The following MYT1L variants were observed in gnomAD, a reference collection of about 807,000 sequenced individuals.
The protein encoded by MYT1L is myelin transcription factor 1-like protein.
Under a neutral mutation model 126.7 loss-of-function variants are expected in MYT1L, and 12 were observed. The ratio of observed to expected loss-of-function variants is 0.09; its 90% confidence interval spans 0.06 to 0.15. The LOEUF is 0.15. Among genes scored for constraint, MYT1L ranks in the 10% least tolerant of loss-of-function variants. The probability of loss-of-function intolerance (pLI) is 1.00; values close to 1 mark genes in which losing one functional copy is unlikely to be tolerated. For synonymous variants in MYT1L, 541 were observed against 604.2 expected, an observed-to-expected ratio of 0.90 and a Z score of 1.53; for missense variants, 979 against 1,585.2, an observed-to-expected ratio of 0.62 and a Z score of 6.49.
chr2:2,069,399 A>T (rs1416560545), intron 3 of MYT1L, among the ~76,000 whole-genome samples: 1 of 152,172 alleles, frequency 6.6e-6, no homozygotes, highest in Admixed American at 6.5e-5. Flanking sequence ...AAAGGACATG[A>T]ACTCATCCTT....
chr2:2,148,254 T>C (rs1392012430), intron 3 of MYT1L, among the ~76,000 whole-genome samples: 1 of 152,240 alleles, frequency 6.6e-6, no homozygotes, highest in Non-Finnish European at 1.5e-5. Flanking sequence ...CATTTTTCCA[T>C]GGACAGTGAC....
At chr2:2,113,831 G>A (rs2079831099) in intron 3 of MYT1L, among the ~76,000 whole-genome samples, 1 of 151,954 alleles carries the variant, frequency 6.6e-6, no homozygotes. Flanking sequence ...TAGGAAAATA[G>A]TTATGAAAAC....
In MYT1L at chr2:1,839,352, G is replaced by A. The variant is rs1463837846; in HGVS notation, c.2877C>T (p.Cys959=). 23 of 1,612,772 alleles carry A rather than the reference G, an allele frequency of 1.4e-5. No individual in the cohort carries two copies. The highest frequency in any genetic ancestry group is 4.5e-5 in the East Asian group (2 of 44,884). Residue 959 remains cysteine, a synonymous_variant, in exon 21 of 25, where the codon TGC becomes TGT. Coordinates refer to ENST00000647738, the MANE Select transcript of MYT1L (RefSeq NM_001303052.2). ...QEPIRCPVPG[C]DGQGHITGKY... is the part of the protein sequence containing the mutation. Reference sequence around the variant, plus strand: ...TCCCAGTGATGTGGCCCTGGCCGTCGCACCCGGGGACCGGACACCTGTAGG... The same window carrying A: ...TCCCAGTGATGTGGCCCTGGCCGTCACACCCGGGGACCGGACACCTGTAGG...
chr2:2,316,059 T>A (rs2096059797), intron 1 of MYT1L, among the ~76,000 whole-genome samples: 1 of 152,230 alleles, frequency 6.6e-6, no homozygotes, highest in Non-Finnish European at 1.5e-5. Context: ...ATTTTCTCAG[T>A]GGAGCCTCCT....
chr2:1,897,518 A>T (rs1240837983), intron 14 of MYT1L, among the ~76,000 whole-genome samples: 7 of 151,948 alleles, frequency 4.6e-5, no homozygotes, highest in African/African-American at 1.7e-4. Context: ...GCTGGAGTGC[A>T]GTGGCATGAT....
At chr2:2,179,951 G>A (rs1296403648) in intron 2 of MYT1L, among the ~76,000 whole-genome samples, 1 of 152,066 alleles carries the variant, frequency 6.6e-6, no homozygotes, top group Non-Finnish European at 1.5e-5. Flanking sequence ...TGGCCCTCAG[G>A]AGGAGGCTGT....
intron 4 of MYT1L, among the ~76,000 whole-genome samples, chr2:2,007,134 C>T (rs978996209): frequency 1.3e-4 from 20 of 151,902 alleles, no homozygotes; most frequent in African/African-American, 4.8e-4. Context: ...AATCATGCTG[C>T]AATGAACATG....
chr2:2,023,447 T>C (rs143156766), intron 4 of MYT1L, among the ~76,000 whole-genome samples: 1 of 152,136 alleles, frequency 6.6e-6, no homozygotes, highest in Non-Finnish European at 1.5e-5. Flanking sequence ...CAAAATTGTG[T>C]GGGCAATCTC....
chr2:1,995,516 G>T (rs1460229037), intron 5 of MYT1L, among the ~76,000 whole-genome samples: 2 of 152,244 alleles, frequency 1.3e-5, no homozygotes, highest in Non-Finnish European at 2.9e-5. Flanking sequence ...GAAGAGAGGA[G>T]AAAGTTCTAG....
At chr2:1,882,664 G>T (rs2047715686) in intron 18 of MYT1L, among the ~76,000 whole-genome samples, 1 of 152,160 alleles carries the variant, frequency 6.6e-6, no homozygotes, top group Non-Finnish European at 1.5e-5. Context: ...CCGAAATGAG[G>T]ATTATTCCTA....
intron 1 of MYT1L, among the ~76,000 whole-genome samples, chr2:2,289,652 T>A (rs1222858848): frequency 2.0e-5 from 3 of 152,234 alleles, no homozygotes; most frequent in Non-Finnish European, 4.4e-5. Context: ...CAAACAAATG[T>A]TAACTCCCCC....
chr2:2,071,760 G>T (rs188253635), intron 3 of MYT1L, among the ~76,000 whole-genome samples: 1 of 152,144 alleles, frequency 6.6e-6, no homozygotes, highest in Non-Finnish European at 1.5e-5. Flanking sequence ...GGCTGGAATG[G>T]GGGAATTGAT....
intron 4 of MYT1L, among the ~76,000 whole-genome samples, chr2:2,043,746 T>C (rs1351650147): frequency 1.3e-5 from 2 of 152,214 alleles, no homozygotes; most frequent in African/African-American, 4.8e-5. Flanking sequence ...GCAGGCCTGC[T>C]ACCCTGGAGG....
intron 18 of MYT1L, among the ~76,000 whole-genome samples, chr2:1,869,228 C>T (rs1234279867): frequency 6.7e-6 from 1 of 149,124 alleles, no homozygotes; most frequent in Non-Finnish European, 1.5e-5. Flanking sequence ...TTTCCACGTG[C>T]CACTGTACCT....
At chr2:2,104,605 A>G (rs546877350) in intron 3 of MYT1L, among the ~76,000 whole-genome samples, 1 of 152,328 alleles carries the variant, frequency 6.6e-6, no homozygotes, top group South Asian at 2.1e-4. Context: ...CCTGACCTTT[A>G]TGGTCTCTGC....
intron 21 of MYT1L, among the ~76,000 whole-genome samples, chr2:1,809,506 T>G (rs560838127): frequency 3.3e-5 from 5 of 152,190 alleles, no homozygotes; most frequent in Admixed American, 2.0e-4. Context: ...TTTTGTAGAG[T>G]GATAATATTG....
intron 18 of MYT1L, among the ~76,000 whole-genome samples, chr2:1,866,029 AG>A (rs1379433767): frequency 6.6e-6 from 1 of 152,198 alleles, no homozygotes; most frequent in African/African-American, 2.4e-5. Context: ...ACAGTGTCCA[AG>A]GGCTGTCTGT....
chr2:2,130,167 A>G (rs2082192117), intron 3 of MYT1L, among the ~76,000 whole-genome samples: 1 of 152,028 alleles, frequency 6.6e-6, no homozygotes, highest in South Asian at 2.1e-4. Context: ...CTCAGTATAA[A>G]AGGGGTTCCG....
At chr2:1,866,634 G>A (rs1385491156) in intron 18 of MYT1L, among the ~76,000 whole-genome samples, 3 of 73,546 alleles carry the variant, frequency 4.1e-5, no homozygotes, top group African/African-American at 7.4e-5. Flanking sequence ...AGAGGGAGAG[G>A]GAGGGAGAGA....
Sources: allele counts gnomAD v4.1 joint callset (sites outside exome capture counted in the v4.1 genomes callset), GRCh38; gene constraint gnomAD v4.1.1; transcripts MANE v1.5; gene names NCBI Gene and HGNC (gene_info 2026-07-23, HGNC 2026-07-21).